KLHL5: variants seen among roughly 807,000 people sequenced by gnomAD.
KLHL5 encodes kelch like family member 5.
A neutral mutation model predicts 77.7 loss-of-function variants in KLHL5; 48 were observed. The ratio of observed to expected loss-of-function variants is 0.62; its 90% confidence interval spans 0.49 to 0.79. KLHL5 has a LOEUF of 0.79. KLHL5 is among the 30% of genes least tolerant of loss of function. The probability of loss-of-function intolerance (pLI) is 0.00; values close to 1 mark genes in which losing one functional copy is unlikely to be tolerated. For synonymous variants in KLHL5, 260 were observed against 297.0 expected (o/e 0.88, Z 1.28); for missense variants, 723 against 859.7 (o/e 0.84, Z 1.99).
Position 39,112,070 on chromosome 4 carries a change from T to G in KLHL5, c.1689-950T>G, listed in dbSNP as rs934544205. On this transcript the variant is annotated intron_variant, in intron 8 of 10. Transcript: ENST00000504108. ...ACGTAAATTTACTCTTTTAAAAAAC[T>G]AGTAGAAAAAATATTTATGGAAAGC... Among the ~76,000 whole-genome samples the G allele has an allele frequency of 6.6e-5, 10 of 152,236 alleles. No homozygotes were observed. The East Asian group carries it at 1.7e-3, about 26-fold the overall frequency.
At chr4:39,108,894 T>C (rs1722236228) in intron 8 of KLHL5, among the ~76,000 whole-genome samples, 1 of 152,214 alleles carries the variant, frequency 6.6e-6, no homozygotes, top group Non-Finnish European at 1.5e-5. Flanking sequence ...AACTGCCTTC[T>C]CTAAAACCTG....
At chr4:39,078,131 G>A (rs765640811) in intron 2 of KLHL5, among the ~76,000 whole-genome samples, 4 of 152,132 alleles carry the variant, frequency 2.6e-5, no homozygotes, top group Admixed American at 6.5e-5. Flanking sequence ...GCTCACACCT[G>A]TAATCCAGCA....
chr4:39,086,616 G>A lies in KLHL5; in HGVS notation c.1002G>A (p.Glu334=), dbSNP rs1450665699. 1.2e-6 allele frequency: 2 copies of A among 1,613,828 alleles called. No individual in the cohort carries two copies. Among genetic ancestry groups the A allele is most frequent in the East Asian group, 2.2e-5 (1 of 44,846 alleles). The change falls in exon 5 of 11, where the codon GAG becomes GAA. Residue 334 remains glutamate, a synonymous_variant. Coordinates refer to ENST00000504108, the MANE Select transcript of KLHL5 (RefSeq NM_015990.5). The part of the protein sequence containing the change: ...LASDDMNIPN[E]ETILNALLTW... ...GTGATGACATGAACATTCCTAATGAGGAGACAATATTGAATGCACTTCTTA... is the reference window on the plus strand; with the variant it reads ...GTGATGACATGAACATTCCTAATGAAGAGACAATATTGAATGCACTTCTTA...
At chr4:39,091,143 T>C (rs1412870007) in intron 5 of KLHL5, among the ~76,000 whole-genome samples, 2 of 151,688 alleles carry the variant, frequency 1.3e-5, no homozygotes, top group African/African-American at 4.8e-5. Flanking sequence ...CGCATGCCAC[T>C]ACGCCTGGCT....
upstream of KLHL5, among the ~76,000 whole-genome samples, chr4:39,061,839 A>G (rs1298279535): frequency 6.6e-6 from 1 of 152,120 alleles, no homozygotes; most frequent in African/African-American, 2.4e-5. Flanking sequence ...TTACATTTTG[A>G]TCCTTTGTAG....
chr4:39,069,832 T>C (rs991342687), intron 1 of KLHL5, among the ~76,000 whole-genome samples: 1 of 152,108 alleles, frequency 6.6e-6, no homozygotes, highest in Non-Finnish European at 1.5e-5. Context: ...TCAAACTGAC[T>C]TAAACAAAAA....
intron 1 of KLHL5, among the ~76,000 whole-genome samples, chr4:39,046,762 C>T (rs1056240900): frequency 1.3e-5 from 2 of 151,960 alleles, no homozygotes; most frequent in African/African-American, 4.8e-5. Flanking sequence ...TTAAAACGCC[C>T]CTAAGGAAAA....
At chr4:39,138,999 C>T in the KLHL5 span, among the ~76,000 whole-genome samples, 2 of 152,146 alleles carry the variant, frequency 1.3e-5, no homozygotes, top group African/African-American at 4.8e-5. Context: ...TGCACACCAT[C>T]AGCTGGGCGT....
the KLHL5 span, among the ~76,000 whole-genome samples, chr4:39,140,523 G>A: frequency 6.6e-6 from 1 of 152,102 alleles, no homozygotes; most frequent in Admixed American, 6.5e-5. Context: ...CAATTTTTCT[G>A]TAATTTTCTG....
chr4:39,086,111 G>A (rs988991193), intron 4 of KLHL5, among the ~76,000 whole-genome samples: 7 of 152,098 alleles, frequency 4.6e-5, no homozygotes, highest in African/African-American at 1.7e-4. Flanking sequence ...ACTGCTGGCC[G>A]AATTCTTCAG....
chr4:39,105,839 G>C (rs1435640431), intron 7 of KLHL5, among the ~76,000 whole-genome samples: 1 of 151,710 alleles, frequency 6.6e-6, no homozygotes. Flanking sequence ...ACAATCTGTT[G>C]ATTTGGATCA....
upstream of KLHL5, among the ~76,000 whole-genome samples, chr4:39,058,149 A>C (rs1420854208): frequency 6.6e-6 from 1 of 152,338 alleles, no homozygotes; most frequent in East Asian, 1.9e-4. Flanking sequence ...ACCTGAAATA[A>C]AGCAAGGTTA....
intron 1 of KLHL5, among the ~76,000 whole-genome samples, chr4:39,069,499 CACAT>C (rs1718252956): frequency 6.6e-5 from 9 of 136,668 alleles, no homozygotes; most frequent in South Asian, 2.5e-4. Flanking sequence ...CACACACACA[CACAT>C]ACATATTTAT....
upstream of KLHL5, among the ~76,000 whole-genome samples, chr4:39,060,200 T>C (rs2566126): frequency 0.76 from 114,829 of 152,004 alleles, 43,391 homozygotes; most frequent in East Asian, 0.82. Context: ...TATGATCTCT[T>C]GTATAACAAT....
At chr4:39,120,541 GTTC>G (rs1723143161) in intron 10 of KLHL5, among the ~76,000 whole-genome samples, 1 of 152,200 alleles carries the variant, frequency 6.6e-6, no homozygotes, top group Non-Finnish European at 1.5e-5. Context: ...GAGGTTATGA[GTTC>G]TTCTAGAATA....
At chr4:39,058,341 C>G (rs371278142), upstream of KLHL5, among the ~76,000 whole-genome samples, 3 of 152,096 alleles carry the variant, frequency 2.0e-5, no homozygotes, top group Non-Finnish European at 4.4e-5. Context: ...AAATACCGTA[C>G]GATTTTGTCA....
chr4:39,067,514 A>G (rs766038365), intron 1 of KLHL5, among the ~76,000 whole-genome samples: 1 of 151,944 alleles, frequency 6.6e-6, no homozygotes, highest in Non-Finnish European at 1.5e-5. Context: ...TATATTGCCT[A>G]TATACTTGTG....
chr4:39,046,659 C>A (rs1319463861), intron 1 of KLHL5, among the ~76,000 whole-genome samples: 1 of 152,170 alleles, frequency 6.6e-6, no homozygotes, highest in African/African-American at 2.4e-5. Flanking sequence ...TCTGCCCTAA[C>A]CAAGGCGTTT....
chr4:39,107,762 T>C lies in KLHL5; in HGVS notation c.1688+31T>C, dbSNP rs763919550. 6.6e-6 allele frequency: 10 copies of C among 1,525,550 alleles called. No individual in the cohort carries two copies. The South Asian group carries it at 8.5e-5, about 13-fold the overall frequency. 94.5% of individuals were successfully genotyped at this position (1,525,550 alleles called of 1,614,324 possible). On this transcript the variant is annotated intron_variant, in intron 8 of 10. Transcript: ENST00000504108. ...GAAATATTTAAAGTTCCATTTAAAA[T>C]GCAATACACCAAATTTATTAAGCTA...
Sources: gnomAD v4.1 joint callset for allele counts (sites outside exome capture counted in the v4.1 genomes callset) on GRCh38, gnomAD v4.1.1 for gene constraint, MANE v1.5 for transcripts, NCBI Gene and HGNC (gene_info 2026-07-23, HGNC 2026-07-21) for gene names.